PDZD2: variants seen among roughly 807,000 people sequenced by gnomAD.
PDZD2 encodes the protein PDZ domain-containing protein 2.
PDZD2 carries 90 observed loss-of-function variants against 220.7 expected under a neutral mutation model. The ratio of observed to expected loss-of-function variants is 0.41; its 90% CI spans 0.34 to 0.49. The LOEUF is 0.49. Ranked by LOEUF, PDZD2 falls within the 20% of genes least tolerant of loss-of-function variation. The pLI, the probability that PDZD2 is intolerant of heterozygous loss-of-function variation, is 0.28. For missense variants in PDZD2, 3,174 were observed against 3,608.5 expected (o/e 0.88, Z 3.08); for synonymous variants, 1,375 against 1,450.5 (o/e 0.95, Z 1.18).
At chr5:32,040,687 GA>G (rs1196772575) in intron 7 of PDZD2, among the ~76,000 whole-genome samples, 1 of 147,650 alleles carries the variant, frequency 6.8e-6, no homozygotes, top group East Asian at 2.1e-4. Flanking sequence ...GGGAAGTGGG[GA>G]GAGCCTCTGC....
chr5:31,736,314 G>A (rs1749859749), intron 1 of PDZD2, among the ~76,000 whole-genome samples: 1 of 152,176 alleles, frequency 6.6e-6, no homozygotes, highest in Admixed American at 6.5e-5. Context: ...CTACGGCAGT[G>A]TATGAGGATC....
At chr5:32,057,586 C>G in intron 10 of PDZD2, 69 bp from the exon 11 acceptor site, 1 of 886,612 alleles carries the variant, frequency 1.1e-6, no homozygotes, top group Non-Finnish European at 1.8e-6. Context: ...CAAAATAAGT[C>G]TGACTGAGCA....
At chr5:31,955,933 T>C (rs1380447104) in intron 2 of PDZD2, among the ~76,000 whole-genome samples, 10 of 152,202 alleles carry the variant, frequency 6.6e-5, no homozygotes, top group Non-Finnish European at 1.5e-4. Context: ...ATTTGTGAGT[T>C]TTTCCATTTT....
At chr5:31,748,661 T>G (rs1374171048) in intron 1 of PDZD2, among the ~76,000 whole-genome samples, 1 of 152,102 alleles carries the variant, frequency 6.6e-6, no homozygotes, top group African/African-American at 2.4e-5. Flanking sequence ...AAGGGGTGGG[T>G]GGGAAAATTA....
intron 2 of PDZD2, among the ~76,000 whole-genome samples, chr5:31,935,670 C>T (rs1489228838): frequency 2.0e-5 from 3 of 152,172 alleles, no homozygotes; most frequent in Admixed American, 1.3e-4. Flanking sequence ...TTAATAAGTG[C>T]AAGACAGATT....
intron 2 of PDZD2, among the ~76,000 whole-genome samples, chr5:31,917,168 G>A (rs768488532): frequency 2.2e-4 from 34 of 152,204 alleles, no homozygotes; most frequent in Non-Finnish European, 4.6e-4. Context: ...ACCCTTGGGA[G>A]CCACAGGATT....
intron 6 of PDZD2, among the ~76,000 whole-genome samples, chr5:32,036,045 T>C (rs1755517700): frequency 6.6e-6 from 1 of 151,382 alleles, no homozygotes; most frequent in African/African-American, 2.4e-5. Flanking sequence ...ACGAGTTCAA[T>C]CAGTTCTCCT....
chr5:31,854,742 A>G (rs917515576), intron 2 of PDZD2, among the ~76,000 whole-genome samples: 5 of 152,042 alleles, frequency 3.3e-5, no homozygotes, highest in Non-Finnish European at 5.9e-5. Flanking sequence ...AGAAGCCCCA[A>G]ACTCCCTGAA....
chr5:31,670,698 G>C (rs1350952689), intron 1 of PDZD2, among the ~76,000 whole-genome samples: 2 of 152,176 alleles, frequency 1.3e-5, no homozygotes, highest in Non-Finnish European at 2.9e-5. Flanking sequence ...TGGGATTACA[G>C]ACGTGAGCCA....
intron 2 of PDZD2, among the ~76,000 whole-genome samples, chr5:31,885,039 A>G (rs1378391033): frequency 6.6e-6 from 1 of 152,140 alleles, no homozygotes. Flanking sequence ...CGTACAAAAC[A>G]GAATAGATGA....
At chr5:31,665,985 AG>A (rs1006571686) in intron 1 of PDZD2, among the ~76,000 whole-genome samples, 25 of 152,304 alleles carry the variant, frequency 1.6e-4, no homozygotes, top group African/African-American at 5.5e-4. Flanking sequence ...AATAGCTTAG[AG>A]GGGAGAACTC....
At chr5:32,095,239 C>G (rs891512848) in intron 21 of PDZD2, among the ~76,000 whole-genome samples, 9 of 152,172 alleles carry the variant, frequency 5.9e-5, no homozygotes, top group Non-Finnish European at 8.8e-5. Context: ...TACTCACGCT[C>G]ACCACGAGGC....
At chr5:32,020,059 A>AT (rs962989331) in intron 6 of PDZD2, among the ~76,000 whole-genome samples, 1 of 136,558 alleles carries the variant, frequency 7.3e-6, no homozygotes, top group African/African-American at 2.5e-5. Flanking sequence ...ATATATATAT[A>AT]TTTTTTTAAT....
At position 32,090,592 on chromosome 5, in the gene PDZD2, C is replaced by T. The variant is rs1471359561; in HGVS notation, c.7144C>T (p.Leu2382=). 8 of 1,613,904 alleles carry T rather than the reference C, an allele frequency of 5.0e-6. No individual in the cohort carries two copies. The highest frequency in any genetic ancestry group is 1.3e-5 in the African/African-American group (1 of 74,918). Reference sequence around the variant, plus strand: ...TTCCGGCAGCATTGTTTCCGGGAGCCTGGGCCACCCAGGTGACGCAGCAGC... The same window carrying T: ...TTCCGGCAGCATTGTTTCCGGGAGCTTGGGCCACCCAGGTGACGCAGCAGC... The part of the protein sequence containing the change: ...RSSGSIVSGS[L]GHPGDAAARL... The change falls in exon 20 of 25, where the codon CTG becomes TTG. Residue 2382 remains leucine (L), a synonymous_variant. Coordinates refer to ENST00000438447, the MANE Select transcript of PDZD2 (RefSeq NM_178140.4). This position sits in a 1 kb window ranked among gnomAD's most constrained non-coding sequence, Gnocchi z 4.3.
intron 2 of PDZD2, among the ~76,000 whole-genome samples, chr5:31,840,331 T>A (rs1325486101): frequency 1.4e-5 from 2 of 147,962 alleles, no homozygotes; most frequent in African/African-American, 2.5e-5. Flanking sequence ...TTAATTACAA[T>A]GGGCCTTGCA....
chr5:32,019,827 A>G (rs1187553936), intron 6 of PDZD2, among the ~76,000 whole-genome samples: 2 of 152,160 alleles, frequency 1.3e-5, no homozygotes, highest in African/African-American at 2.4e-5. Context: ...TTTTATGAAC[A>G]TAATATGTAG....
intron 7 of PDZD2, among the ~76,000 whole-genome samples, chr5:32,046,769 G>A (rs991494931): frequency 1.3e-5 from 2 of 152,150 alleles, no homozygotes; most frequent in African/African-American, 4.8e-5. Flanking sequence ...TGGGCCAGGC[G>A]CAATGGCTCA....
intron 1 of PDZD2, among the ~76,000 whole-genome samples, chr5:31,709,047 C>G (rs1362001483): frequency 6.6e-6 from 1 of 151,980 alleles, no homozygotes; most frequent in Non-Finnish European, 1.5e-5. Context: ...ACCACCACGC[C>G]TGGCTAATTT....
At chr5:32,034,264 C>T (rs928689280) in intron 6 of PDZD2, among the ~76,000 whole-genome samples, 2 of 152,020 alleles carry the variant, frequency 1.3e-5, no homozygotes, top group African/African-American at 4.8e-5. Flanking sequence ...TTAGTAGGCA[C>T]CAAAGGCGGT....
Sources: gnomAD v4.1 joint callset for allele counts (sites outside exome capture counted in the v4.1 genomes callset) on GRCh38, gnomAD v4.1.1 for gene constraint, Gnocchi (gnomAD v3.1) non-coding constraint, MANE v1.5 for transcripts, NCBI Gene and HGNC (gene_info 2026-07-23, HGNC 2026-07-21) for gene names.